The following FOXP1 variants were observed in gnomAD, a reference collection of about 807,000 sequenced individuals.
The protein encoded by FOXP1 is forkhead box protein P1.
FOXP1 carries 15 observed loss-of-function variants against 98.2 expected under a neutral mutation model. The observed-to-expected ratio is 0.15, with a 90% confidence interval of 0.10 to 0.24. FOXP1 has a LOEUF of 0.24. Among genes scored for constraint, FOXP1 ranks in the 10% least tolerant of loss-of-function variants. FOXP1 has a pLI of 1.00. For missense variants in FOXP1, 633 were observed against 848.5 expected, an observed-to-expected ratio of 0.75 and a Z score of 3.15; for synonymous variants, 371 against 314.5, an observed-to-expected ratio of 1.18 and a Z score of -1.90.
chr3:71,571,926 T>C (rs1279275574), intron 2 of FOXP1: 7 of 152,216 alleles, frequency 4.6e-5, no homozygotes, highest in African/African-American at 1.7e-4. Context: ...ACACACACTA[T>C]TTTAAAAACA....
intron 20 of FOXP1, among the ~76,000 whole-genome samples, chr3:70,965,130 T>C (rs986441035): frequency 6.6e-6 from 1 of 152,172 alleles, no homozygotes; most frequent in Non-Finnish European, 1.5e-5. Context: ...GCAAAGCCAA[T>C]CATTTGGAAT....
chr3:71,379,364 T>C (rs1194227128), intron 3 of FOXP1, among the ~76,000 whole-genome samples: 1 of 152,158 alleles, frequency 6.6e-6, no homozygotes. Context: ...ACCCTTCAAA[T>C]TATGTCAAGG....
At chr3:71,172,917 G>T (rs2061721304) in intron 6 of FOXP1, among the ~76,000 whole-genome samples, 1 of 152,158 alleles carries the variant, frequency 6.6e-6, no homozygotes, top group African/African-American at 2.4e-5. Flanking sequence ...ACTTAAGATA[G>T]GAGAAGCAAC....
At chr3:71,581,405 G>A (rs1253324012) in intron 2 of FOXP1, 144 bp downstream of exon 2, 6 of 985,370 alleles carry the variant, frequency 6.1e-6, no homozygotes, top group African/African-American at 3.5e-5. Flanking sequence ...CTACCGGCCT[G>A]AGGATGGGCA....
chr3:71,068,447 G>A (rs2052820674), intron 7 of FOXP1, among the ~76,000 whole-genome samples: 1 of 152,148 alleles, frequency 6.6e-6, no homozygotes, highest in Non-Finnish European at 1.5e-5. Context: ...ACTGATGAAT[G>A]GCCCTGTGGT....
At chr3:71,350,627 C>T (rs1339336373) in intron 4 of FOXP1, among the ~76,000 whole-genome samples, 1 of 152,166 alleles carries the variant, frequency 6.6e-6, no homozygotes, top group African/African-American at 2.4e-5. Context: ...GCACAGCCCA[C>T]TCTCAAGGTA....
chr3:71,051,742 A>G (rs2049923723), intron 9 of FOXP1, among the ~76,000 whole-genome samples: 1 of 152,214 alleles, frequency 6.6e-6, no homozygotes, highest in African/African-American at 2.4e-5. Flanking sequence ...TAACGCACAC[A>G]TGCACACGGA....
chr3:71,356,641 A>T (rs887040473), intron 4 of FOXP1, among the ~76,000 whole-genome samples: 7 of 152,082 alleles, frequency 4.6e-5, no homozygotes, highest in Non-Finnish European at 8.8e-5. Flanking sequence ...CCTTTTCCAG[A>T]TAAGGAGGCC....
At chr3:70,960,366 G>T (rs1303241353) in intron 20 of FOXP1, among the ~76,000 whole-genome samples, 1 of 152,160 alleles carries the variant, frequency 6.6e-6, no homozygotes, top group Non-Finnish European at 1.5e-5. Context: ...TGGGATGAGC[G>T]TGGTTGCGAT....
At chr3:71,403,962 C>A (rs1300265610) in intron 3 of FOXP1, among the ~76,000 whole-genome samples, 6 of 151,930 alleles carry the variant, frequency 3.9e-5, no homozygotes, top group Non-Finnish European at 7.4e-5. Context: ...ATGTAAAATT[C>A]CATTTTATTT....
chr3:71,144,933 G>A lies in FOXP1; in HGVS notation c.181-32296C>T, dbSNP rs185297957. Among the ~76,000 whole-genome samples, 319 of 152,322 alleles carry A rather than the reference G, an allele frequency of 2.1e-3. 1 individual carries two copies. Among genetic ancestry groups the A allele is most frequent in the African/African-American group, 7.0e-3 (289 of 41,578 alleles). On this transcript the variant is annotated intron_variant, in intron 6 of 20. Coordinates refer to ENST00000649528, the MANE Select transcript of FOXP1 (RefSeq NM_001349338.3). ...TGGCATATAAATGGAATCATATAGTGTGTAATCTTTGGAGATTGGCTTTTT... is the reference window on the plus strand; with the variant it reads ...TGGCATATAAATGGAATCATATAGTATGTAATCTTTGGAGATTGGCTTTTT...
intron 20 of FOXP1, 151 bp downstream of exon 20, chr3:70,965,739 C>G: frequency 5.0e-6 from 4 of 807,726 alleles, no homozygotes; most frequent in South Asian, 4.5e-5. Flanking sequence ...CCAAGCTGAA[C>G]ATTTCTTGAA....
At position 70,958,858 on chromosome 3, in the gene FOXP1, G is replaced by C; in HGVS notation, c.*389C>G. On this transcript the variant is annotated 3_prime_UTR_variant, in exon 21 of 21. Coordinates refer to ENST00000649528, the MANE Select transcript of FOXP1 (RefSeq NM_001349338.3). ...ATTCTGGGCAAAGGCTTGGTCTGCA[G>C]CTTAGGTGCACAAGCTCTGTCGGGC... 1 of 394,818 alleles carries C rather than the reference G, an allele frequency of 2.5e-6. No individual in the cohort carries two copies. Among genetic ancestry groups the C allele is most frequent in the South Asian group, 2.8e-5 (1 of 35,310 alleles). The allele number at this position is 394,818 out of a possible 1,614,324, so 24.5% of individuals were successfully genotyped here. A position where few individuals can be genotyped will look rare whatever the true frequency, so the allele number is the denominator to read the frequency against.
intron 13 of FOXP1, among the ~76,000 whole-genome samples, chr3:70,994,752 C>T (rs2041126430): frequency 6.6e-6 from 1 of 152,196 alleles, no homozygotes; most frequent in African/African-American, 2.4e-5. Flanking sequence ...GGCAGATCAA[C>T]CTTGGTTTGG....
At chr3:71,544,921 CAA>C (rs1432401208) in intron 2 of FOXP1, among the ~76,000 whole-genome samples, 1 of 151,702 alleles carries the variant, frequency 6.6e-6, no homozygotes, top group Admixed American at 6.6e-5. Context: ...AAAGAAAAGA[CAA>C]AGTCAATTCT....
At chr3:71,394,359 T>G (rs942811430) in intron 3 of FOXP1, among the ~76,000 whole-genome samples, 6 of 152,182 alleles carry the variant, frequency 3.9e-5, no homozygotes, top group Non-Finnish European at 7.4e-5. Context: ...CCATAGGCAG[T>G]GGTCATTTGT....
chr3:71,052,551 T>C lies in FOXP1; in HGVS notation c.496A>G (p.Lys166Glu), dbSNP rs1198807056. ...ATTGTCGGTACCTCTTTAGGCTGTT[T>C]TCCAGCATGTTGTTGTTGTAAAAGT... Reference protein sequence around the residue: ...LQLLQQQHAGKQPKEQQQVAT... With the variant: ...LQLLQQQHAGEQPKEQQQVAT... The change falls in exon 9 of 21, where the codon AAA becomes GAA. Residue 166 changes from lysine to glutamate, a missense_variant. Physicochemically the swap from Lys to Glu is moderately conservative, Grantham distance 56. Around this residue, in one of 6 missense-constraint regions of FOXP1, gnomAD observed 210 missense variants for 270.6 expected, o/e 0.78. Coordinates refer to ENST00000649528, the MANE Select transcript of FOXP1 (RefSeq NM_001349338.3). 1 of 1,346,462 alleles carries C rather than the reference T, an allele frequency of 7.4e-7. No individual in the cohort carries two copies. 83.4% of individuals were successfully genotyped at this position (1,346,462 alleles called of 1,614,324 possible).
Position 70,960,825 on chromosome 3 carries a change from T to C in FOXP1, c.1890-1434A>G, listed in dbSNP as rs2033229837. The stretch of plus-strand genomic sequence containing the variant: ...GAGAGCATTTAGGGGGGCTAGATGT[T>C]ACCTTTAAAAAAATAATTTTTTTTT... On this transcript the variant is annotated intron_variant, in intron 20 of 20. Transcript: ENST00000649528. Among the ~76,000 whole-genome samples, 3 of 150,884 alleles carry C rather than the reference T, an allele frequency of 2.0e-5. 1 individual carries two copies. The South Asian group carries it at 6.2e-4, about 31-fold the overall frequency.
intron 3 of FOXP1, among the ~76,000 whole-genome samples, chr3:71,479,463 GAGGTC>G (rs1011728124): frequency 5.3e-5 from 8 of 152,046 alleles, no homozygotes; most frequent in Non-Finnish European, 7.4e-5. Flanking sequence ...TGGATCACCT[GAGGTC>G]AGGAGTTCAA....
Sources: allele counts gnomAD v4.1 joint callset (sites outside exome capture counted in the v4.1 genomes callset), GRCh38; gene constraint gnomAD v4.1.1; regional missense constraint gnomAD v4.1.1; transcripts MANE v1.5; gene names NCBI Gene and HGNC (gene_info 2026-07-23, HGNC 2026-07-21).